DCC: variants seen among roughly 807,000 people sequenced by gnomAD.
The protein encoded by DCC is netrin receptor DCC.
Under a neutral mutation model 172.5 loss-of-function variants are expected in DCC, and 58 were observed. The observed-to-expected ratio is 0.34, with a 90% CI of 0.27 to 0.42. The LOEUF is 0.42. Ranked by LOEUF, DCC falls within the 10% of genes least tolerant of loss-of-function variation. The pLI is 1.00. For synonymous variants in DCC, 709 were observed against 644.5 expected (o/e 1.10, Z -1.52); for missense variants, 1,740 against 1,791.0 (o/e 0.97, Z 0.51).
At position 53,523,586 on chromosome 18, in the gene DCC, G is replaced by C. The variant is rs529377273; in HGVS notation, c.4112-3031G>C. 4.3e-3 allele frequency among the ~76,000 whole-genome samples: 660 copies of C among 152,216 alleles called. 10 individuals are homozygous for C. The highest frequency in any genetic ancestry group is 7.4e-3 in the Non-Finnish European group (500 of 68,002). Reference sequence around the variant, plus strand: ...TGGAATACAATGCAGCCATAAAAAAGGATGAGTTCATGTCCTTTGCAGGGA... The same window carrying C: ...TGGAATACAATGCAGCCATAAAAAACGATGAGTTCATGTCCTTTGCAGGGA... On this transcript the variant is annotated intron_variant, in intron 27 of 28. Transcript: ENST00000442544.
At chr18:53,306,296 T>C (rs1303156977) in intron 13 of DCC, among the ~76,000 whole-genome samples, 2 of 152,226 alleles carry the variant, frequency 1.3e-5, no homozygotes, top group Non-Finnish European at 2.9e-5. Flanking sequence ...AAAATAATCA[T>C]GTATTTAATA....
intron 12 of DCC, among the ~76,000 whole-genome samples, chr18:53,255,635 T>C (rs1466358900): frequency 2.0e-5 from 3 of 152,272 alleles, no homozygotes; most frequent in Admixed American, 2.0e-4. Flanking sequence ...TTGGATTGGT[T>C]CCAAGTCTTT....
Position 53,085,947 on chromosome 18 carries a change from G to C in DCC, c.1261+19781G>C, listed in dbSNP as rs55808525. On this transcript the variant is annotated intron_variant, in intron 7 of 28. Transcript: ENST00000442544. Reference sequence around the variant, plus strand: ...AGACCTCTGTCATTTCAGCTTTGGTGGAGTATTTTCTCTTCTTCTTCTTCT... The same window carrying C: ...AGACCTCTGTCATTTCAGCTTTGGTCGAGTATTTTCTCTTCTTCTTCTTCT... 2.7e-5 allele frequency among the ~76,000 whole-genome samples: 2 copies of C among 72,762 alleles called. 1 individual carries two copies. The highest frequency in any genetic ancestry group is 1.9e-4 in the African/African-American group (2 of 10,476). 47.7% of individuals were successfully genotyped at this position (72,762 alleles called of 152,430 possible).
At chr18:53,401,262 A>G (rs181188542) in intron 18 of DCC, among the ~76,000 whole-genome samples, 1 of 148,728 alleles carries the variant, frequency 6.7e-6, no homozygotes, top group Non-Finnish European at 1.5e-5. Context: ...GGGATCAACT[A>G]TACTCCACCT....
intron 1 of DCC, among the ~76,000 whole-genome samples, chr18:52,496,017 CT>C (rs1186429515): frequency 2.0e-5 from 3 of 152,100 alleles, no homozygotes; most frequent in African/African-American, 7.2e-5. Context: ...TTTAGCTATA[CT>C]AAATGCCTTA....
At chr18:52,949,735 T>G (rs1305416721) in intron 5 of DCC, among the ~76,000 whole-genome samples, 1 of 152,216 alleles carries the variant, frequency 6.6e-6, no homozygotes, top group Non-Finnish European at 1.5e-5. Flanking sequence ...GGCAACACTC[T>G]TGTCAAGGAG....
chr18:53,410,541 A>G lies in DCC; in HGVS notation c.3025A>G (p.Ile1009Val). 2.5e-6 allele frequency: 4 copies of G among 1,608,628 alleles called. No individual in the cohort carries two copies. The highest frequency in any genetic ancestry group is 3.4e-6 in the Non-Finnish European group (4 of 1,174,972). Residue 1009 changes from isoleucine to valine, a missense_variant, in exon 20 of 29, where the codon ATC becomes GTC. Transcript: ENST00000442544. ...CAGTGGTGATAGGCTTACTCATCAA[A>G]TCATGGATCTCAACCTTGATACTAT... ...TISGDRLTHQ[I>V]MDLNLDTMYY...
chr18:53,294,420 T>C (rs988561881), intron 12 of DCC, among the ~76,000 whole-genome samples: 6 of 152,178 alleles, frequency 3.9e-5, no homozygotes, highest in Admixed American at 1.3e-4. Context: ...TTATGCCTGA[T>C]AGGGGAGTCA....
chr18:52,453,282 T>C (rs989227787), intron 1 of DCC, among the ~76,000 whole-genome samples: 11 of 152,242 alleles, frequency 7.2e-5, no homozygotes, highest in African/African-American at 2.7e-4. Flanking sequence ...ACACATTCTT[T>C]AAATGTTAGT....
At chr18:53,098,271 T>G (rs962681395) in intron 7 of DCC, among the ~76,000 whole-genome samples, 1 of 152,012 alleles carries the variant, frequency 6.6e-6, no homozygotes, top group African/African-American at 2.4e-5. Flanking sequence ...GTTGTAAAAA[T>G]AGTAGAAAGA....
chr18:53,351,379 ATACAG>A (rs2057801301), intron 15 of DCC, among the ~76,000 whole-genome samples: 2 of 65,714 alleles, frequency 3.0e-5, no homozygotes, highest in East Asian at 4.3e-4. Context: ...GTATATATAT[ATACAG>A]TATATATATA....
chr18:53,240,275 A>G (rs563028610), intron 12 of DCC, among the ~76,000 whole-genome samples: 7 of 152,160 alleles, frequency 4.6e-5, no homozygotes, highest in Non-Finnish European at 8.8e-5. Flanking sequence ...CCACAAAAAC[A>G]GTCAATAGCA....
intron 5 of DCC, among the ~76,000 whole-genome samples, chr18:52,971,490 G>GGT (rs1391701098): frequency 6.6e-6 from 1 of 151,304 alleles, no homozygotes. Context: ...TACAGGGAGA[G>GGT]GTGTGCGTGT....
chr18:52,951,635 A>G (rs1244673691), intron 5 of DCC, among the ~76,000 whole-genome samples: 1 of 152,206 alleles, frequency 6.6e-6, no homozygotes, highest in East Asian at 1.9e-4. Context: ...ATGGCTGCAT[A>G]CAAGTCTTTT....
chr18:52,429,563 G>C (rs561314579), intron 1 of DCC, among the ~76,000 whole-genome samples: 34 of 152,080 alleles, frequency 2.2e-4, no homozygotes, highest in Non-Finnish European at 4.0e-4. Flanking sequence ...GGGCCCCTTT[G>C]ATTTTATTTG....
chr18:53,051,755 T>G (rs1171989107), intron 5 of DCC, among the ~76,000 whole-genome samples: 1 of 152,078 alleles, frequency 6.6e-6, no homozygotes, highest in East Asian at 1.9e-4. Context: ...TTCAAATAAT[T>G]TACTCTTCAT....
rs370285089 is a variant in DCC at position 52,739,071 on chromosome 18, C to A, written c.92-12983C>A. On this transcript the variant is annotated intron_variant, in intron 1 of 28. Coordinates refer to ENST00000442544, the MANE Select transcript of DCC (RefSeq NM_005215.4). ...AGTAGATTTGTTTATAGTAGCATCA[C>A]CACAGACACGTGAGTAATATGTTGC... Among the ~76,000 whole-genome samples, 197 of 152,152 alleles carry A rather than the reference C, an allele frequency of 1.3e-3. 1 individual carries two copies. Among genetic ancestry groups the A allele is most frequent in the African/African-American group, 4.3e-3 (178 of 41,504 alleles).
At chr18:52,394,047 T>C (rs890313323) in intron 1 of DCC, among the ~76,000 whole-genome samples, 2 of 152,084 alleles carry the variant, frequency 1.3e-5, no homozygotes, top group African/African-American at 4.8e-5. Flanking sequence ...TGGTAAATTG[T>C]CATCGGCTAA....
intron 5 of DCC, among the ~76,000 whole-genome samples, chr18:53,032,188 TA>T (rs1163656014): frequency 2.0e-5 from 3 of 151,922 alleles, no homozygotes; most frequent in Non-Finnish European, 2.9e-5. Context: ...TCTCCTCAAA[TA>T]AAAAAATACA....
Sources: allele counts gnomAD v4.1 joint callset (sites outside exome capture counted in the v4.1 genomes callset), GRCh38; gene constraint gnomAD v4.1.1; transcripts MANE v1.5; gene names NCBI Gene and HGNC (gene_info 2026-07-23, HGNC 2026-07-21).